TTC6: variants seen among roughly 807,000 people sequenced by gnomAD.
The protein encoded by TTC6 is tetratricopeptide repeat protein 6.
In TTC6, 172 loss-of-function variants were observed where a neutral mutation model predicts 210.4. The observed-to-expected ratio is 0.82, with a 90% confidence interval of 0.72 to 0.93. The LOEUF is 0.93. TTC6 is among the 40% of genes least tolerant of loss of function. The probability of loss-of-function intolerance (pLI) is 0.00; values close to 1 mark genes in which losing one functional copy is unlikely to be tolerated. For synonymous variants in TTC6, 804 were observed against 819.6 expected (o/e 0.98, Z 0.32); for missense variants, 2,414 against 2,318.1 (o/e 1.04, Z -0.85).
chr14:37,758,067 T>A (rs2095973257), intron 14 of TTC6, among the ~76,000 whole-genome samples: 1 of 152,214 alleles, frequency 6.6e-6, no homozygotes, highest in South Asian at 2.1e-4. Flanking sequence ...ATTTCCATTC[T>A]TTTGCATTTG....
chr14:37,710,522 A>G (rs543847982), intron 5 of TTC6, among the ~76,000 whole-genome samples: 6 of 152,052 alleles, frequency 3.9e-5, no homozygotes, highest in African/African-American at 1.2e-4. Context: ...CCTTCATTCA[A>G]CTCCCTCAAT....
At chr14:37,706,597 G>A (rs1380281221) in intron 5 of TTC6, among the ~76,000 whole-genome samples, 1 of 152,060 alleles carries the variant, frequency 6.6e-6, no homozygotes, top group Non-Finnish European at 1.5e-5. Flanking sequence ...ATAATGAGAT[G>A]CATTGCAACC....
intron 1 of TTC6, among the ~76,000 whole-genome samples, chr14:37,658,056 A>G (rs1368375579): frequency 6.6e-6 from 1 of 152,192 alleles, no homozygotes; most frequent in Non-Finnish European, 1.5e-5. Context: ...GAACCAGGAG[A>G]CAAAATCAAG....
chr14:37,736,772 T>A (rs2095902843), intron 8 of TTC6, among the ~76,000 whole-genome samples: 1 of 152,142 alleles, frequency 6.6e-6, no homozygotes, highest in Non-Finnish European at 1.5e-5. Context: ...CTTTTCTTTT[T>A]GAGACAAAAT....
At chr14:37,824,243 A>G (rs531673850) in intron 27 of TTC6, among the ~76,000 whole-genome samples, 5 of 152,222 alleles carry the variant, frequency 3.3e-5, no homozygotes, top group South Asian at 4.2e-4. Flanking sequence ...CCTCACTTAC[A>G]AACAACTTTT....
At chr14:37,621,822 C>G (rs960545597), upstream of TTC6, among the ~76,000 whole-genome samples, 4 of 151,892 alleles carry the variant, frequency 2.6e-5, no homozygotes, top group Non-Finnish European at 5.9e-5. Flanking sequence ...GTTTGGGAAG[C>G]CTCCACCGAA....
rs1421824920 is a variant in TTC6, at chr14:37,704,650, G to C, written c.1571+3124G>C. ...TTAGTTATTTGCCGTATATATTATA[G>C]ATATATTTTCAATTTGTTGTCTGCT... On this transcript the variant is annotated intron_variant, in intron 5 of 30. Transcript: ENST00000553443. Among the ~76,000 whole-genome samples the C allele has an allele frequency of 2.0e-5, 3 of 151,844 alleles. No individual in the cohort carries two copies. In the East Asian group the frequency reaches 5.8e-4, roughly 29 times the overall value.
chr14:37,705,767 T>C (rs2138706489), intron 5 of TTC6, among the ~76,000 whole-genome samples: 1 of 2,072 alleles, frequency 4.8e-4, no homozygotes, highest in East Asian at 0.026. Context: ...TTGTGCAGAG[T>C]GCTATGTGGA....
intron 8 of TTC6, among the ~76,000 whole-genome samples, chr14:37,736,707 A>T (rs1256932521): frequency 3.9e-5 from 6 of 152,094 alleles, no homozygotes; most frequent in African/African-American, 1.4e-4. Flanking sequence ...CCTGAACTTT[A>T]TGGGGTACAA....
At chr14:37,813,521 C>G (rs2096134500) in intron 25 of TTC6, among the ~76,000 whole-genome samples, 1 of 152,148 alleles carries the variant, frequency 6.6e-6, no homozygotes, top group African/African-American at 2.4e-5. Context: ...TAAGCAACCA[C>G]TAAACAACTA....
At chr14:37,786,565 T>C (rs1383573943) in intron 14 of TTC6, among the ~76,000 whole-genome samples, 1 of 152,208 alleles carries the variant, frequency 6.6e-6, no homozygotes. Context: ...CCGGACCCCT[T>C]GCACTTCCCG....
chr14:37,772,120 A>G (rs1390931338), intron 14 of TTC6, among the ~76,000 whole-genome samples: 2 of 152,116 alleles, frequency 1.3e-5, no homozygotes, highest in Middle Eastern at 3.2e-3. Context: ...CTGCTCGGGG[A>G]TCAGGGGTCA....
intron 20 of TTC6, among the ~76,000 whole-genome samples, chr14:37,800,559 G>A (rs1417517959): frequency 6.6e-6 from 1 of 152,158 alleles, no homozygotes; most frequent in Non-Finnish European, 1.5e-5. Context: ...AGGATCATGA[G>A]GGCAGAGTAT....
intron 1 of TTC6, among the ~76,000 whole-genome samples, chr14:37,625,163 A>G (rs1481246626): frequency 2.0e-5 from 3 of 152,112 alleles, no homozygotes; most frequent in Non-Finnish European, 2.9e-5. Flanking sequence ...CTTAAAGTAA[A>G]AGTGGCTTCA....
At chr14:37,620,685 T>A (rs1444378587), upstream of TTC6, among the ~76,000 whole-genome samples, 5 of 152,204 alleles carry the variant, frequency 3.3e-5, no homozygotes, top group Admixed American at 3.3e-4. Context: ...AAAATCCACA[T>A]AACAAAATTT....
At chr14:37,664,178 A>G (rs939025629) in intron 1 of TTC6, among the ~76,000 whole-genome samples, 6 of 150,750 alleles carry the variant, frequency 4.0e-5, no homozygotes, top group African/African-American at 1.5e-4. Flanking sequence ...GAACAAAAAA[A>G]GAGCCCATGT....
At chr14:37,776,662 A>G (rs1023714494) in intron 14 of TTC6, among the ~76,000 whole-genome samples, 1 of 152,040 alleles carries the variant, frequency 6.6e-6, no homozygotes, top group East Asian at 1.9e-4. Flanking sequence ...GGATCACCTG[A>G]GGTGATCACC....
At chr14:37,742,399 G>GT (rs1357316594) in intron 10 of TTC6, among the ~76,000 whole-genome samples, 14 of 144,628 alleles carry the variant, frequency 9.7e-5, no homozygotes, top group East Asian at 4.7e-4. Context: ...GTTTTGTTTT[G>GT]TTTTTTTGTT....
At chr14:37,600,499 C>A (rs528202059) in intron 1 of TTC6, among the ~76,000 whole-genome samples, 1 of 152,308 alleles carries the variant, frequency 6.6e-6, no homozygotes, top group South Asian at 2.1e-4. Context: ...CGCCCCTCCC[C>A]CCACACACCC....
Sources: gnomAD v4.1 joint callset for allele counts (sites outside exome capture counted in the v4.1 genomes callset) on GRCh38, gnomAD v4.1.1 for gene constraint, MANE v1.5 for transcripts, NCBI Gene and HGNC (gene_info 2026-07-23, HGNC 2026-07-21) for gene names.